MACROD1: variants seen among roughly 807,000 people sequenced by gnomAD.
MACROD1 encodes the protein mono-ADP ribosylhydrolase 1.
MACROD1 carries 31 observed loss-of-function variants against 41.4 expected under a neutral mutation model. The ratio of observed to expected loss-of-function variants is 0.75; its 90% CI spans 0.56 to 1.01. The LOEUF is 1.01. MACROD1 is among the 50% of genes least tolerant of loss of function. The pLI, the probability that MACROD1 is intolerant of heterozygous loss-of-function variation, is 0.00. For missense variants in MACROD1, 473 were observed against 460.0 expected, an observed-to-expected ratio of 1.03 and a Z score of -0.26; for synonymous variants, 252 against 203.4, an observed-to-expected ratio of 1.24 and a Z score of -2.03.
intron 3 of MACROD1, among the ~76,000 whole-genome samples, chr11:64,038,812 G>C (rs1943431005): frequency 6.6e-6 from 1 of 152,172 alleles, no homozygotes; most frequent in Admixed American, 6.5e-5. Flanking sequence ...CCATCACAGG[G>C]TCCTAAGGAC....
At chr11:64,007,017 C>G (rs1016228287) in intron 4 of MACROD1, among the ~76,000 whole-genome samples, 1 of 152,114 alleles carries the variant, frequency 6.6e-6, no homozygotes, top group Non-Finnish European at 1.5e-5. Flanking sequence ...GGCACGCATC[C>G]CCTGTCATAA....
chr11:64,097,100 G>A (rs901731811), intron 3 of MACROD1, among the ~76,000 whole-genome samples: 1 of 152,226 alleles, frequency 6.6e-6, no homozygotes, highest in South Asian at 2.1e-4. Flanking sequence ...ACTGGCAGCT[G>A]TTTCTAGGTC....
chr11:64,113,194 G>A (rs1944891965), intron 3 of MACROD1, among the ~76,000 whole-genome samples: 1 of 152,256 alleles, frequency 6.6e-6, no homozygotes, highest in South Asian at 2.1e-4. Context: ...TAAGGGCACT[G>A]ACCTCATGTT....
At chr11:64,147,967 G>A (rs1945519329) in intron 3 of MACROD1, among the ~76,000 whole-genome samples, 1 of 151,758 alleles carries the variant, frequency 6.6e-6, no homozygotes, top group Non-Finnish European at 1.5e-5. Flanking sequence ...TCAAACTCCC[G>A]AGCTCAAGTG....
chr11:64,152,269 G>A (rs1945591748), intron 2 of MACROD1, 23 bp downstream of exon 2: 1 of 1,609,370 alleles, frequency 6.2e-7, no homozygotes, highest in Non-Finnish European at 8.5e-7. Flanking sequence ...TGCCCACCAG[G>A]GCCTCCCCCG....
intron 3 of MACROD1, among the ~76,000 whole-genome samples, chr11:64,095,484 C>G (rs965407149): frequency 6.6e-6 from 1 of 152,204 alleles, no homozygotes; most frequent in Non-Finnish European, 1.5e-5. Flanking sequence ...CAGGCTCTTG[C>G]TGGTGCAGGG....
chr11:64,028,988 C>T (rs1394058715), intron 3 of MACROD1, among the ~76,000 whole-genome samples: 3 of 152,196 alleles, frequency 2.0e-5, no homozygotes, highest in Non-Finnish European at 4.4e-5. Flanking sequence ...AGCTCTGCAG[C>T]CCCAGGACTC....
At chr11:64,001,977 C>T (rs949982367) in intron 4 of MACROD1, among the ~76,000 whole-genome samples, 7 of 152,182 alleles carry the variant, frequency 4.6e-5, no homozygotes, top group Admixed American at 1.3e-4. Flanking sequence ...CACCTCAGAG[C>T]TCATTGGGCT....
At chr11:64,022,867 A>ATT (rs922794608) in intron 3 of MACROD1, among the ~76,000 whole-genome samples, 7,671 of 90,648 alleles carry the variant, frequency 0.085, 513 homozygotes, top group Admixed American at 0.14. Flanking sequence ...TTCCACATGG[A>ATT]TTTTTTTTTT....
chr11:64,040,612 C>T (rs955144881), intron 3 of MACROD1, among the ~76,000 whole-genome samples: 2 of 152,210 alleles, frequency 1.3e-5, no homozygotes, highest in African/African-American at 2.4e-5. Flanking sequence ...TGTTCACCTG[C>T]GTAGACAGGT....
chr11:64,034,883 G>T (rs1427856998), intron 3 of MACROD1, among the ~76,000 whole-genome samples: 3 of 152,152 alleles, frequency 2.0e-5, no homozygotes, highest in African/African-American at 7.2e-5. Context: ...GGCCAGGCTG[G>T]GTATATGGGA....
At chr11:64,127,115 A>G (rs1035620724) in intron 3 of MACROD1, among the ~76,000 whole-genome samples, 9 of 151,954 alleles carry the variant, frequency 5.9e-5, no homozygotes, top group African/African-American at 1.9e-4. Context: ...ACACAAACCA[A>G]AGTGCACTGC....
chr11:64,057,955 A>G (rs1012870802), intron 3 of MACROD1, among the ~76,000 whole-genome samples: 2 of 152,204 alleles, frequency 1.3e-5, no homozygotes, highest in African/African-American at 4.8e-5. Context: ...TGGGCTCCCA[A>G]GACAACGCTG....
intron 3 of MACROD1, among the ~76,000 whole-genome samples, chr11:64,044,687 G>A (rs1943551720): frequency 1.3e-5 from 2 of 152,192 alleles, no homozygotes; most frequent in Admixed American, 6.5e-5. Flanking sequence ...CTTTACAAAG[G>A]AGGATGGGAA....
chr11:64,106,452 C>T (rs1293610551), intron 3 of MACROD1, among the ~76,000 whole-genome samples: 1 of 152,186 alleles, frequency 6.6e-6, no homozygotes, highest in Non-Finnish European at 1.5e-5. Flanking sequence ...AGGCACAAGG[C>T]AGACCATGTC....
At chr11:64,028,812 C>T (rs1943257415) in intron 3 of MACROD1, among the ~76,000 whole-genome samples, 1 of 152,208 alleles carries the variant, frequency 6.6e-6, no homozygotes, top group African/African-American at 2.4e-5. Flanking sequence ...TGAGTGACTA[C>T]ATCCAGCCCC....
chr11:64,076,376 C>A (rs914203674), intron 3 of MACROD1, among the ~76,000 whole-genome samples: 1 of 152,172 alleles, frequency 6.6e-6, no homozygotes, highest in African/African-American at 2.4e-5. Context: ...AGCCTGGAGA[C>A]CGTGATTGTC....
At chr11:64,156,267 C>T (rs777658814) in intron 1 of MACROD1, among the ~76,000 whole-genome samples, 19 of 152,170 alleles carry the variant, frequency 1.2e-4, no homozygotes, top group African/African-American at 3.1e-4. Context: ...CCCAACAGAG[C>T]GAGACCTTGT....
At chr11:64,004,577 C>T (rs985865158) in intron 4 of MACROD1, among the ~76,000 whole-genome samples, 4 of 152,280 alleles carry the variant, frequency 2.6e-5, no homozygotes, top group South Asian at 4.1e-4. Context: ...CACCCCAACC[C>T]GCAGGCCTGG....
Sources: allele counts gnomAD v4.1 joint callset (sites outside exome capture counted in the v4.1 genomes callset), GRCh38; gene constraint gnomAD v4.1.1; transcripts MANE v1.5; gene names NCBI Gene and HGNC (gene_info 2026-07-23, HGNC 2026-07-21).